RBMS3: variants seen among roughly 807,000 people sequenced by gnomAD.
RBMS3 encodes RNA binding motif single stranded interacting protein 3.
RBMS3 carries 27 observed loss-of-function variants against 66.8 expected under a neutral mutation model. The observed-to-expected ratio is 0.40, with a 90% CI of 0.30 to 0.56. RBMS3 has a LOEUF of 0.56. RBMS3 is among the 20% of genes least tolerant of loss of function. RBMS3 has a pLI of 0.40. For missense variants in RBMS3, 513 were observed against 549.5 expected (o/e 0.93, Z 0.66); for synonymous variants, 188 against 183.0 (o/e 1.03, Z -0.22).
chr3:29,853,486 A>T (rs1323415863), intron 6 of RBMS3, among the ~76,000 whole-genome samples: 1 of 136,070 alleles, frequency 7.3e-6, no homozygotes, highest in African/African-American at 2.9e-5. Context: ...GAGCTCCCAT[A>T]CAAAGGGAGA....
intron 3 of RBMS3, among the ~76,000 whole-genome samples, chr3:29,577,838 A>G (rs149408472): frequency 3.5e-4 from 53 of 152,208 alleles, no homozygotes; most frequent in Admixed American, 8.5e-4. Flanking sequence ...GTTCTCCTCA[A>G]TGTCTCTTTC....
At chr3:29,768,198 G>GA (rs1044660700) in intron 6 of RBMS3, among the ~76,000 whole-genome samples, 23 of 151,984 alleles carry the variant, frequency 1.5e-4, no homozygotes, top group African/African-American at 5.5e-4. Flanking sequence ...TCATGATGAA[G>GA]AAAACACCTT....
Position 29,922,455 on chromosome 3 carries a change from CCGCAG to C in RBMS3, c.940-13630_940-13626del, listed in dbSNP as rs2060812362. 3.5e-5 allele frequency among the ~76,000 whole-genome samples: 5 copies of C among 144,666 alleles called. No homozygotes were observed. The South Asian group carries it at 6.5e-4, about 19-fold the overall frequency. The allele number at this position is 144,666 out of a possible 152,430, so 94.9% of individuals were successfully genotyped here. On this transcript the variant is annotated intron_variant, in intron 10 of 14. Coordinates refer to ENST00000383767, the MANE Select transcript of RBMS3 (RefSeq NM_001003793.3). ...TGAGCCGAGATTGCGCCACTGCAGT[CCGCAG>C]TCCGGCCTGGGCGACAGAGCGAGAC...
intron 10 of RBMS3, among the ~76,000 whole-genome samples, chr3:29,904,126 T>G (rs2060319764): frequency 6.6e-6 from 1 of 151,976 alleles, no homozygotes. Context: ...TTGCTACCGT[T>G]AAATATAACT....
At chr3:29,334,192 G>A in intron 1 of RBMS3, among the ~76,000 whole-genome samples, 1 of 152,126 alleles carries the variant, frequency 6.6e-6, no homozygotes, top group Non-Finnish European at 1.5e-5. Flanking sequence ...CATAGTTGTT[G>A]CATTAGCCTT....
At chr3:29,316,790 A>G (rs937457168) in intron 1 of RBMS3, among the ~76,000 whole-genome samples, 2 of 151,726 alleles carry the variant, frequency 1.3e-5, no homozygotes, top group Non-Finnish European at 2.9e-5. Context: ...CTTCTTGGAA[A>G]TGAGGCTTGT....
At chr3:29,656,089 A>C (rs1158323421) in intron 4 of RBMS3, among the ~76,000 whole-genome samples, 4 of 152,272 alleles carry the variant, frequency 2.6e-5, no homozygotes, top group Admixed American at 2.0e-4. Context: ...TTTAATTAAA[A>C]AATTTATAAG....
intron 2 of RBMS3, among the ~76,000 whole-genome samples, chr3:29,450,002 G>A (rs1195553917): frequency 6.6e-6 from 1 of 152,166 alleles, no homozygotes; most frequent in Non-Finnish European, 1.5e-5. Flanking sequence ...CATATTTCAT[G>A]TTATTTCAAT....
intron 4 of RBMS3, among the ~76,000 whole-genome samples, chr3:29,658,713 G>C (rs1351351485): frequency 1.3e-5 from 2 of 152,176 alleles, no homozygotes; most frequent in Non-Finnish European, 2.9e-5. Context: ...TTATGGCCTA[G>C]GAATGTAGTT....
At chr3:29,514,634 A>G (rs76632561) in intron 3 of RBMS3, among the ~76,000 whole-genome samples, 6,128 of 112,766 alleles carry the variant, frequency 0.054, 175 homozygotes, top group South Asian at 0.12. Context: ...GTGCATATAT[A>G]TATGTGTGAT....
At chr3:29,896,808 C>T (rs2060133213) in intron 8 of RBMS3, among the ~76,000 whole-genome samples, 1 of 151,562 alleles carries the variant, frequency 6.6e-6, no homozygotes, top group African/African-American at 2.4e-5. Flanking sequence ...AGGAGCCTAT[C>T]ACATAGGTTC....
chr3:29,630,384 T>G (rs2049239636), intron 4 of RBMS3, among the ~76,000 whole-genome samples: 2 of 152,054 alleles, frequency 1.3e-5, no homozygotes, highest in Admixed American at 6.6e-5. Flanking sequence ...TGTTATAGAT[T>G]TCTATTATTC....
intron 4 of RBMS3, among the ~76,000 whole-genome samples, chr3:29,694,913 C>A (rs2052198710): frequency 6.6e-6 from 1 of 151,910 alleles, no homozygotes; most frequent in Non-Finnish European, 1.5e-5. Flanking sequence ...AATTGTCAGG[C>A]ACAGGAGCCT....
intron 6 of RBMS3, among the ~76,000 whole-genome samples, chr3:29,821,181 A>G (rs1325992272): frequency 6.6e-6 from 1 of 152,216 alleles, no homozygotes; most frequent in Non-Finnish European, 1.5e-5. Context: ...AAGTTTTCAT[A>G]TAAGCATCCA....
intron 3 of RBMS3, among the ~76,000 whole-genome samples, chr3:29,535,127 G>T (rs901846775): frequency 6.6e-6 from 1 of 152,046 alleles, no homozygotes; most frequent in African/African-American, 2.4e-5. Flanking sequence ...ATGGAATTCC[G>T]TTGTCAGAAA....
At chr3:29,835,461 A>G (rs772532760) in intron 6 of RBMS3, among the ~76,000 whole-genome samples, 2 of 152,018 alleles carry the variant, frequency 1.3e-5, no homozygotes, top group Non-Finnish European at 2.9e-5. Context: ...ATAAAACTAG[A>G]GATCAATAAC....
chr3:29,872,376 T>G (rs138108766), intron 7 of RBMS3, among the ~76,000 whole-genome samples: 3 of 152,258 alleles, frequency 2.0e-5, no homozygotes, highest in African/African-American at 7.2e-5. Context: ...ATGGCCAGAT[T>G]TGTGCATGTA....
chr3:29,320,477 G>A (rs1391242131), intron 1 of RBMS3, among the ~76,000 whole-genome samples: 5 of 151,930 alleles, frequency 3.3e-5, no homozygotes. Context: ...ACATTCTATG[G>A]CATATTAATG....
intron 4 of RBMS3, among the ~76,000 whole-genome samples, chr3:29,631,126 T>C (rs7653890): frequency 0.015 from 2,326 of 152,052 alleles, 63 homozygotes; most frequent in African/African-American, 0.053. Context: ...AGAAACTTTT[T>C]CTCTTTCTCC....
Sources: gnomAD v4.1 joint callset for allele counts (sites outside exome capture counted in the v4.1 genomes callset) on GRCh38, gnomAD v4.1.1 for gene constraint, MANE v1.5 for transcripts, NCBI Gene and HGNC (gene_info 2026-07-23, HGNC 2026-07-21) for gene names.